The following PUSL1 variants were observed in gnomAD, a reference collection of about 807,000 sequenced individuals.
PUSL1 encodes pseudouridine synthase like 1.
A neutral mutation model predicts 30.7 loss-of-function variants in PUSL1; 51 were observed. That is an observed-to-expected ratio of 1.66 (90% CI 1.33 to 2.10). The LOEUF (loss-of-function observed/expected upper bound fraction) is 2.10. Among genes scored for constraint, PUSL1 ranks in the 30% most tolerant of loss-of-function variants. The probability of loss-of-function intolerance (pLI) is 0.00; values close to 1 mark genes in which losing one functional copy is unlikely to be tolerated. For missense variants in PUSL1, 609 were observed against 427.6 expected (o/e 1.42, Z -3.74); for synonymous variants, 290 against 192.1 (o/e 1.51, Z -4.21).
Position 1,309,716 on chromosome 1 carries a change from A to T in PUSL1, c.509A>T (p.Gln170Leu), listed in dbSNP as rs1312186030. 4 of 1,597,772 alleles carry T rather than the reference A, an allele frequency of 2.5e-6. No individual in the cohort carries two copies. The South Asian group carries it at 4.4e-5, about 18-fold the overall frequency. Residue 170 changes from glutamine (Q) to leucine (L), a missense_variant, in exon 5 of 8, where the codon CAG (glutamine) becomes CTG (leucine). Gln to Leu is a moderately radical substitution (Grantham distance 113). Coordinates refer to ENST00000379031, the MANE Select transcript of PUSL1 (RefSeq NM_153339.3). ...ATGGTCGCCATGCAGGAAGCCGCCCAGCACCTCCTCGGCACACACGACTTC... is the reference window on the plus strand; with the variant it reads ...ATGGTCGCCATGCAGGAAGCCGCCCTGCACCTCCTCGGCACACACGACTTC... ...LDMVAMQEAA[Q>L]HLLGTHDFSA...
Position 1,310,594 on chromosome 1 carries a change from A to G in PUSL1, c.645-40A>G, listed in dbSNP as rs374864957. 5.5e-6 allele frequency: 8 copies of G among 1,462,634 alleles called. No homozygotes were observed. The African/African-American group carries it at 1.1e-4, about 21-fold the overall frequency. 90.6% of individuals were successfully genotyped at this position (1,462,634 alleles called of 1,614,324 possible). A position where few individuals can be genotyped will look rare whatever the true frequency, so the allele number is the denominator to read the frequency against. ...CCACATAGTAGGCTGAGGATGGCAA[A>G]CACTGCCCCACAGACACCTACAGGT... On this transcript the variant is annotated intron_variant, in intron 5 of 7. Coordinates refer to ENST00000379031, the MANE Select transcript of PUSL1 (RefSeq NM_153339.3).
At position 1,309,607 on chromosome 1, in the gene PUSL1, A is replaced by G; in HGVS notation, c.473+4A>G. The G allele has an allele frequency of 6.2e-7, 1 of 1,605,850 alleles. No homozygotes were observed. The highest frequency in any genetic ancestry group is 8.5e-7 in the Non-Finnish European group (1 of 1,174,682). ...TATGCTGGACTCTCCCGGCAGAGTG[A>G]GTGTGGCCCTGACAGCGGGGAGGGG... is the stretch of plus-strand genomic sequence containing the variant. On this transcript the variant is annotated splice_donor_region_variant and intron_variant, in intron 4 of 7. Transcript: ENST00000379031.
chr1:1,311,185 C>T, intron 7 of PUSL1, 114 bp downstream of exon 7: 3 of 1,451,314 alleles, frequency 2.1e-6, no homozygotes, highest in East Asian at 2.3e-5. Flanking sequence ...TGAAGCAGCC[C>T]CCCGCCCAGG....
Position 1,310,094 on chromosome 1 carries a change from AT to A in PUSL1, c.644+244del, listed in dbSNP as rs1642036502. On this transcript the variant is annotated intron_variant, in intron 5 of 7. Transcript: ENST00000379031. The stretch of plus-strand genomic sequence containing the variant: ...CTCTGAAAAACCCCTGCCATGCCTG[AT>A]GGAAGAATGTTGGCAGCTACTGGAA... 3.3e-5 allele frequency: 17 copies of A among 519,666 alleles called. No homozygotes were observed. The South Asian group carries it at 4.7e-4, about 14-fold the overall frequency. 32.2% of individuals were successfully genotyped at this position (519,666 alleles called of 1,614,324 possible).
chr1:1,310,751 G>C (rs1166432514), intron 6 of PUSL1, 63 bp downstream of exon 6: 2 of 1,603,840 alleles, frequency 1.2e-6, no homozygotes, highest in Admixed American at 3.4e-5. Context: ...CCCCTGTGCA[G>C]TCTTGGCTCT....
chr1:1,309,816 C>A lies in PUSL1; in HGVS notation c.609C>A (p.Gly203=). 1 of 1,547,784 alleles carries A rather than the reference C, an allele frequency of 6.5e-7. No individual in the cohort carries two copies. Among genetic ancestry groups the A allele is most frequent in the Non-Finnish European group, 8.7e-7 (1 of 1,145,004 alleles). ...TGCGCCGGGTCTCCGTTTCCCCAGG[C>A]CAAGCCAGCCCCTTGGTCACCCCCG... ...RTLRRVSVSP[G]QASPLVTPEE... The change falls in exon 5 of 8, where the codon GGC becomes GGA. Residue 203 remains glycine (G), a synonymous_variant. Coordinates refer to ENST00000379031, the MANE Select transcript of PUSL1 (RefSeq NM_153339.3).
Position 1,309,140 on chromosome 1 carries a change from C to G in PUSL1, c.190C>G (p.Arg64Gly). Reference protein sequence around the residue: ...VEPVRFTISSRTDAGVHALSN... With the variant: ...VEPVRFTISSGTDAGVHALSN... ...GCCGGTCAGGTTCACCATCTCCAGC[C>G]GCACGGACGCCGGGGTCCACGCCCT... Residue 64 changes from arginine to glycine, a missense_variant, in exon 3 of 8, where the codon CGC becomes GGC. Coordinates refer to ENST00000379031, the MANE Select transcript of PUSL1 (RefSeq NM_153339.3). 1 of 1,529,996 alleles carries G rather than the reference C, an allele frequency of 6.5e-7. No individual in the cohort carries two copies. Among genetic ancestry groups the G allele is most frequent in the Non-Finnish European group, 8.7e-7 (1 of 1,146,142 alleles). The allele number at this position is 1,529,996 out of a possible 1,614,324, so 94.8% of individuals were successfully genotyped here.
rs964146886 is a variant in PUSL1 at position 1,309,236 on chromosome 1, G to A, written c.286G>A (p.Glu96Lys). 6.6e-7 allele frequency: 1 copy of A among 1,512,416 alleles called. No individual in the cohort carries two copies. Among genetic ancestry groups the A allele is most frequent in the East Asian group, 2.4e-5 (1 of 41,774 alleles). The allele number at this position is 1,512,416 out of a possible 1,614,324, so 93.7% of individuals were successfully genotyped here. A position where few individuals can be genotyped will look rare whatever the true frequency, so the allele number is the denominator to read the frequency against. The change falls in exon 3 of 8, where the codon GAG becomes AAG. Residue 96 changes from glutamate (E) to lysine (K), a missense_variant. Physicochemically the swap from Glu to Lys is moderately conservative, Grantham distance 56 (BLOSUM62 1). Coordinates refer to ENST00000379031, the MANE Select transcript of PUSL1 (RefSeq NM_153339.3). ...GCCCTTCCCGCCCGAGGTCCTGGCCGAGGCCCTCAACACACACCTGCGGCA... is the reference window on the plus strand; with the variant it reads ...GCCCTTCCCGCCCGAGGTCCTGGCCAAGGCCCTCAACACACACCTGCGGCA... ...RPPFPPEVLA[E>K]ALNTHLRHPA...
At position 1,310,615 on chromosome 1, in the gene PUSL1, C is replaced by T. The variant is rs377152693; in HGVS notation, c.645-19C>T. ...GCAAACACTGCCCCACAGACACCTA[C>T]AGGTACGTATTTTTCCAGGAAGCTG... is the stretch of plus-strand genomic sequence containing the variant. On this transcript the variant is annotated intron_variant, in intron 5 of 7. Coordinates refer to ENST00000379031, the MANE Select transcript of PUSL1 (RefSeq NM_153339.3). The T allele has an allele frequency of 3.4e-5, 52 of 1,541,738 alleles. No individual in the cohort carries two copies. Among genetic ancestry groups the T allele is most frequent in the Non-Finnish European group, 4.1e-5 (47 of 1,136,764 alleles).
chr1:1,308,746 G>A, intron 1 of PUSL1, 26 bp downstream of exon 1: 2 of 1,509,000 alleles, frequency 1.3e-6, no homozygotes, highest in Non-Finnish European at 1.8e-6. Context: ...GCAGCGGCGG[G>A]CGCCACGTGG....
At chr1:1,310,183 G>A (rs756270420) in intron 5 of PUSL1, 9 of 370,062 alleles carry the variant, frequency 2.4e-5, no homozygotes, top group Admixed American at 4.3e-5. Flanking sequence ...ACTGTCCCGA[G>A]GGCCACCCAC....
chr1:1,309,097 G>A lies in PUSL1; in HGVS notation c.147G>A (p.Glu49=), dbSNP rs1467320033. 12 of 1,494,772 alleles carry A rather than the reference G, an allele frequency of 8.0e-6. No homozygotes were observed. The highest frequency in any genetic ancestry group is 1.1e-5 in the Non-Finnish European group (12 of 1,131,308). 92.6% of individuals were successfully genotyped at this position (1,494,772 alleles called of 1,614,324 possible). A position where few individuals can be genotyped will look rare whatever the true frequency, so the allele number is the denominator to read the frequency against. ...GVQNYLEEAA[E]RLNSVEPVRF... is the part of the protein sequence containing the mutation. ...GCTCGGTCCTGCAGGAGGCCGCCGA[G>A]CGGCTGAATTCCGTGGAGCCGGTCA... is the stretch of plus-strand genomic sequence containing the variant. The change falls in exon 3 of 8, where the codon GAG becomes GAA. Residue 49 remains glutamate, a synonymous_variant. Transcript: ENST00000379031.
Position 1,308,707 on chromosome 1 carries a change from G to A in PUSL1, c.64G>A (p.Gly22Ser), listed in dbSNP as rs767960561. ...ARYLVYFQYV[G>S]TDFNGVAAVR... ...CTATCTTGTGTACTTCCAGTACGTG[G>A]GCACCGACTTTAAGTAGGTTTCCCA... is the stretch of plus-strand genomic sequence containing the variant. Residue 22 changes from glycine (G) to serine (S), a missense_variant, in exon 1 of 8, where the codon GGC (glycine) becomes AGC (serine). By Grantham distance (56) the Gly-to-Ser change is moderately conservative. Transcript: ENST00000379031. 27 of 1,557,400 alleles carry A rather than the reference G, an allele frequency of 1.7e-5. 1 individual carries two copies. Among genetic ancestry groups the A allele is most frequent in the African/African-American group, 9.9e-5 (7 of 70,678 alleles).
At chr1:1,310,243 G>A (rs909504834) in intron 5 of PUSL1, 7 of 343,406 alleles carry the variant, frequency 2.0e-5, no homozygotes, top group Admixed American at 9.0e-5. Context: ...GAGCCCTGAA[G>A]GGGGGAAGAA....
chr1:1,311,072 G>GT lies in PUSL1; in HGVS notation c.862+2dup. The GT allele has an allele frequency of 6.3e-7, 1 of 1,595,302 alleles. No individual in the cohort carries two copies. Among genetic ancestry groups the GT allele is most frequent in the Non-Finnish European group, 8.6e-7 (1 of 1,166,816 alleles). The stretch of plus-strand genomic sequence containing the variant: ...AAGTCAGTGCTGTACGGGAACCTCG[G>GT]TAAGAAAAACAGGCACGAGAAGCTC... On this transcript the variant is annotated splice_donor_variant, in intron 7 of 7. Coordinates refer to ENST00000379031, the MANE Select transcript of PUSL1 (RefSeq NM_153339.3). LOFTEE classifies it high-confidence loss of function.
intron 5 of PUSL1, 189 bp downstream of exon 5, chr1:1,310,040 G>A: frequency 1.8e-6 from 1 of 557,826 alleles, no homozygotes; most frequent in Non-Finnish European, 3.2e-6. Context: ...CCCCAGGCTG[G>A]GGAGCGGAGA....
intron 5 of PUSL1, 97 bp downstream of exon 5, chr1:1,309,948 G>GCT (rs1642023728): frequency 9.5e-7 from 1 of 1,052,464 alleles, no homozygotes; most frequent in Non-Finnish European, 1.3e-6. Flanking sequence ...TGAGGCGGGA[G>GCT]GCAGGCAGCC....
At chr1:1,310,720 G>T (rs1468060731) in intron 6 of PUSL1, 32 bp downstream of exon 6, 2 of 1,610,014 alleles carry the variant, frequency 1.2e-6, no homozygotes, top group African/African-American at 2.7e-5. Flanking sequence ...TCCCCAGGGG[G>T]TGGGGCTGAG....
intron 1 of PUSL1, 35 bp from the exon 2 acceptor site, chr1:1,308,880 C>A: frequency 7.1e-7 from 1 of 1,414,994 alleles, no homozygotes. Flanking sequence ...CAGGGCAGGG[C>A]GCCCCCGGTA....
Sources: allele counts gnomAD v4.1 joint callset, GRCh38; gene constraint gnomAD v4.1.1; transcripts MANE v1.5; gene names NCBI Gene and HGNC (gene_info 2026-07-23, HGNC 2026-07-21).